Variants in CPLX1 observed in about 807,000 individuals in gnomAD.
The protein encoded by CPLX1 is complexin-1.
A neutral mutation model predicts 15.6 loss-of-function variants in CPLX1; 6 were observed. That is an observed-to-expected ratio of 0.39 (90% CI 0.21 to 0.76). CPLX1 has a LOEUF of 0.76. CPLX1 is among the 30% of genes least tolerant of loss of function. The pLI is 0.43. For missense variants in CPLX1, 242 were observed against 188.6 expected (o/e 1.28, Z -1.66); for synonymous variants, 91 against 75.2 (o/e 1.21, Z -1.08).
At chr4:820,108 G>A (rs373239978) in intron 2 of CPLX1, among the ~76,000 whole-genome samples, 122 of 152,184 alleles carry the variant, frequency 8.0e-4, no homozygotes, top group African/African-American at 2.6e-3. Context: ...CAGCTCCACC[G>A]TCCTCCCAGG....
At chr4:825,349 G>C (rs531681993) in intron 1 of CPLX1, among the ~76,000 whole-genome samples, 1 of 152,312 alleles carries the variant, frequency 6.6e-6, no homozygotes, top group East Asian at 1.9e-4. Context: ...GACACTGTTT[G>C]ACGGTTCACC....
chr4:795,470 G>A lies in CPLX1; in HGVS notation c.32-2862C>T, dbSNP rs576017856. Among the ~76,000 whole-genome samples, 15 of 152,340 alleles carry A rather than the reference G, an allele frequency of 9.8e-5. No individual in the cohort carries two copies. The South Asian group carries it at 2.9e-3, about 29-fold the overall frequency. On this transcript the variant is annotated intron_variant, in intron 2 of 3. Coordinates refer to ENST00000304062, the MANE Select transcript of CPLX1 (RefSeq NM_006651.4). ...AGAGGAGGCCGCTGCGGCGCGGGGC[G>A]GTCCCACGTGGTGCCTGAGGCTGGG...
intron 3 of CPLX1, among the ~76,000 whole-genome samples, chr4:789,960 C>T (rs1746119741): frequency 1.3e-5 from 1 of 77,974 alleles, no homozygotes; most frequent in Admixed American, 1.1e-4. Flanking sequence ...GGTTCCCCTA[C>T]CCCAACAGGT....
chr4:804,597 C>T (rs1480569851), intron 2 of CPLX1, among the ~76,000 whole-genome samples: 1 of 152,074 alleles, frequency 6.6e-6, no homozygotes, highest in Non-Finnish European at 1.5e-5. Context: ...TCAGCCGCAT[C>T]AACAATAATG....
At position 792,097 on chromosome 4, in the gene CPLX1, G is replaced by A. The variant is rs111728799; in HGVS notation, c.207+336C>T. Among the ~76,000 whole-genome samples the A allele has an allele frequency of 6.7e-4, 102 of 152,102 alleles. 1 individual carries two copies. Among genetic ancestry groups the A allele is most frequent in the African/African-American group, 2.2e-3 (93 of 41,468 alleles). ...CTCCAGGCCGGGCTCACCTGAGAGC[G>A]CACCCCCCATGCCAGGTGGCCGCCC... On this transcript the variant is annotated intron_variant, in intron 3 of 3. Coordinates refer to ENST00000304062, the MANE Select transcript of CPLX1 (RefSeq NM_006651.4).
rs1457281677 is a variant in CPLX1, at chr4:792,495, T to TG, written c.144dup (p.Lys49GlnfsTer291). Reference sequence around the variant, plus strand: ...GCCTCCATCTTGGCGTACTTGGCCTTGCGCTCCTCCTCCGCCTGGCGCAGC... The same window carrying TG: ...GCCTCCATCTTGGCGTACTTGGCCTTGGCGCTCCTCCTCCGCCTGGCGCAGC... On this transcript the variant is annotated frameshift_variant, in exon 3 of 4. Transcript: ENST00000304062. LOFTEE classifies it high-confidence loss of function. 6.2e-7 allele frequency: 1 copy of TG among 1,612,820 alleles called. No homozygotes were observed. The highest frequency in any genetic ancestry group is 8.5e-7 in the Non-Finnish European group (1 of 1,179,698).
intron 2 of CPLX1, among the ~76,000 whole-genome samples, chr4:814,430 C>G (rs1374969118): frequency 6.6e-6 from 1 of 152,188 alleles, no homozygotes; most frequent in African/African-American, 2.4e-5. Flanking sequence ...CCAGGCTGAT[C>G]TTGAACTCCT....
At chr4:823,763 C>T (rs1746917441) in intron 2 of CPLX1, among the ~76,000 whole-genome samples, 1 of 152,250 alleles carries the variant, frequency 6.6e-6, no homozygotes. Flanking sequence ...CCAGCCACTG[C>T]TCTTGACATG....
chr4:819,906 A>C (rs111452760), intron 2 of CPLX1, among the ~76,000 whole-genome samples: 21 of 152,206 alleles, frequency 1.4e-4, no homozygotes, highest in Non-Finnish European at 2.6e-4. Context: ...ACTGAGGACG[A>C]AGGTGGCACC....
chr4:804,799 T>C (rs1185444125), intron 2 of CPLX1: 1 of 985,290 alleles, frequency 1.0e-6, no homozygotes, highest in Non-Finnish European at 1.2e-6. Context: ...CAGAGACGGC[T>C]CTGGCGGTCG....
At position 787,583 on chromosome 4, in the gene CPLX1, G is replaced by A. The variant is rs551975877; in HGVS notation, c.208-885C>T. ...CGGATGGGGGCGGGCATACGAAAGC[G>A]GAGGAGGTCGCGAGTGGTCAAGAAA... is the stretch of plus-strand genomic sequence containing the variant. On this transcript the variant is annotated intron_variant, in intron 3 of 3. Transcript: ENST00000304062. The A allele has an allele frequency of 4.2e-5, 32 of 759,590 alleles. No individual in the cohort carries two copies. In the East Asian group the frequency reaches 1.3e-3, roughly 30 times the overall value. The allele number at this position is 759,590 out of a possible 1,614,324, so 47.1% of individuals were successfully genotyped here. A position where few individuals can be genotyped will look rare whatever the true frequency, so the allele number is the denominator to read the frequency against.
intron 2 of CPLX1, among the ~76,000 whole-genome samples, chr4:822,489 A>C (rs1746890804): frequency 1.3e-5 from 2 of 151,962 alleles, no homozygotes; most frequent in South Asian, 4.2e-4. Context: ...TGCGTGCTGA[A>C]TAACACATTC....
intron 2 of CPLX1, among the ~76,000 whole-genome samples, chr4:796,328 C>G (rs1175585932): frequency 6.6e-6 from 1 of 152,220 alleles, no homozygotes; most frequent in Admixed American, 6.5e-5. Context: ...CCAGCGACCA[C>G]CCCACTGAAG....
intron 2 of CPLX1, among the ~76,000 whole-genome samples, chr4:810,388 G>C (rs1029940273): frequency 3.9e-5 from 6 of 152,170 alleles, no homozygotes; most frequent in Non-Finnish European, 8.8e-5. Context: ...CAACGTCTAG[G>C]AGCAGAATTG....
At position 792,538 on chromosome 4, in the gene CPLX1, C is replaced by A; in HGVS notation, c.102G>T (p.Glu34Asp). 6.2e-7 allele frequency: 1 copy of A among 1,613,582 alleles called. No individual in the cohort carries two copies. The highest frequency in any genetic ancestry group is 8.5e-7 in the Non-Finnish European group (1 of 1,179,764). ...EEKDPDAAKK[E>D]EERQEALRQA... Reference sequence around the variant, plus strand: ...GGCGCAGCGCCTCCTGCCGCTCCTCCTCCTTCTTGGCGGCGTCTGGGTCCT... The same window carrying A: ...GGCGCAGCGCCTCCTGCCGCTCCTCATCCTTCTTGGCGGCGTCTGGGTCCT... The change falls in exon 3 of 4, where the codon GAG becomes GAT. Residue 34 changes from glutamate to aspartate, a missense_variant. Glu to Asp is a conservative substitution (Grantham distance 45). Coordinates refer to ENST00000304062, the MANE Select transcript of CPLX1 (RefSeq NM_006651.4).
intron 2 of CPLX1, among the ~76,000 whole-genome samples, chr4:801,288 C>T (rs1443734349): frequency 1.3e-5 from 2 of 151,954 alleles, no homozygotes; most frequent in East Asian, 3.9e-4. Context: ...GGCCACTGCA[C>T]TCCAGTCTGG....
intron 2 of CPLX1, among the ~76,000 whole-genome samples, chr4:792,875 G>C (rs1386056827): frequency 1.3e-5 from 2 of 152,198 alleles, no homozygotes; most frequent in Non-Finnish European, 2.9e-5. Context: ...GGGGGAGGGA[G>C]AGTGGCGCTG....
At chr4:788,929 A>G (rs1481162872) in intron 3 of CPLX1, among the ~76,000 whole-genome samples, 1 of 152,234 alleles carries the variant, frequency 6.6e-6, no homozygotes, top group African/African-American at 2.4e-5. Flanking sequence ...GGAACCTCCC[A>G]GGTCAGGGGA....
chr4:804,765 G>A (rs1412422906), intron 2 of CPLX1: 2 of 985,346 alleles, frequency 2.0e-6, no homozygotes, highest in South Asian at 4.7e-5. Context: ...CCTTGCGGGG[G>A]CTCGGGAAGT....
Sources: gnomAD v4.1 joint callset for allele counts (sites outside exome capture counted in the v4.1 genomes callset) on GRCh38, gnomAD v4.1.1 for gene constraint, MANE v1.5 for transcripts, NCBI Gene and HGNC (gene_info 2026-07-23, HGNC 2026-07-21) for gene names.